The following SIL1 variants were observed in gnomAD, a reference collection of about 807,000 sequenced individuals.
SIL1 encodes the protein nucleotide exchange factor SIL1.
Under a neutral mutation model 49.1 loss-of-function variants are expected in SIL1, and 40 were observed. The observed-to-expected ratio is 0.81, with a 90% CI of 0.63 to 1.06. The LOEUF (loss-of-function observed/expected upper bound fraction) is 1.06, where lower values mean the gene tolerates loss of function less well. Ranked by LOEUF, SIL1 falls within the 50% of genes least tolerant of loss-of-function variation. The probability of loss-of-function intolerance (pLI) is 0.00; values close to 1 mark genes in which losing one functional copy is unlikely to be tolerated. For missense variants in SIL1, 500 were observed against 572.6 expected, an observed-to-expected ratio of 0.87 and a Z score of 1.29; for synonymous variants, 253 against 250.8, an observed-to-expected ratio of 1.01 and a Z score of -0.08.
intron 7 of SIL1, among the ~76,000 whole-genome samples, chr5:139,015,776 C>G (rs1768384878): frequency 6.6e-6 from 1 of 152,192 alleles, no homozygotes; most frequent in Non-Finnish European, 1.5e-5. Context: ...AGAACTGGGC[C>G]ACATGGCCAT....
chr5:139,025,254 A>T (rs1201689568), intron 6 of SIL1, among the ~76,000 whole-genome samples: 1 of 152,184 alleles, frequency 6.6e-6, no homozygotes, highest in Non-Finnish European at 1.5e-5. Context: ...AAAAGGTACC[A>T]GTTGCCTTTG....
chr5:139,103,623 A>C lies in SIL1; in HGVS notation c.244+17412T>G, dbSNP rs144687908. 1.1e-4 allele frequency among the ~76,000 whole-genome samples: 17 copies of C among 152,316 alleles called. No homozygotes were observed. In the East Asian group the frequency reaches 3.3e-3, roughly 29 times the overall value. Reference sequence around the variant, plus strand: ...AGTGGACCCTGCTCATCTCAGAGACAAAGTGTGGAGAATGAAATTAGCAGC... The same window carrying C: ...AGTGGACCCTGCTCATCTCAGAGACCAAGTGTGGAGAATGAAATTAGCAGC... On this transcript the variant is annotated intron_variant, in intron 3 of 9. Coordinates refer to ENST00000394817, the MANE Select transcript of SIL1 (RefSeq NM_022464.5).
At chr5:139,152,419 G>A (rs975044097) in intron 1 of SIL1, among the ~76,000 whole-genome samples, 7 of 151,900 alleles carry the variant, frequency 4.6e-5, no homozygotes, top group Non-Finnish European at 1.0e-4. Context: ...TCAGGAGTTC[G>A]AGACCAGCCT....
At chr5:139,140,283 A>C (rs1751055209) in intron 1 of SIL1, among the ~76,000 whole-genome samples, 1 of 152,026 alleles carries the variant, frequency 6.6e-6, no homozygotes, top group Non-Finnish European at 1.5e-5. Context: ...AAAAAAAAAA[A>C]GACACTAATT....
intron 2 of SIL1, among the ~76,000 whole-genome samples, chr5:139,126,390 A>G (rs1750754048): frequency 6.6e-6 from 1 of 152,234 alleles, no homozygotes; most frequent in South Asian, 2.1e-4. Context: ...GTCCTTAAGT[A>G]AATTCATCAG....
intron 1 of SIL1, among the ~76,000 whole-genome samples, chr5:139,136,687 A>T (rs529310558): frequency 6.6e-6 from 1 of 152,262 alleles, no homozygotes; most frequent in South Asian, 2.1e-4. Context: ...CCACAGATGA[A>T]GACATAGAGG....
At chr5:139,131,974 C>A (rs764432377) in intron 1 of SIL1, among the ~76,000 whole-genome samples, 5 of 152,124 alleles carry the variant, frequency 3.3e-5, no homozygotes, top group Non-Finnish European at 7.4e-5. Flanking sequence ...ATTATCAGGA[C>A]AACATACAAC....
chr5:139,174,709 A>G (rs921068161), intron 1 of SIL1, among the ~76,000 whole-genome samples: 2 of 152,014 alleles, frequency 1.3e-5, no homozygotes, highest in Non-Finnish European at 2.9e-5. Context: ...AGGCCAAGGC[A>G]GGCAGATCAC....
At chr5:139,134,637 A>T (rs1750935787) in intron 1 of SIL1, among the ~76,000 whole-genome samples, 1 of 152,012 alleles carries the variant, frequency 6.6e-6, no homozygotes. Context: ...TTAAAGGATG[A>T]CCCTCCTGGC....
Position 138,948,404 on chromosome 5 carries a change from T to C in SIL1, c.1030-931A>G, listed in dbSNP as rs1158647702. ...CTGTCAGCTCCACCTTTGTCCCTTG[T>C]GTCCTGCGATCCAGTGCCTCCTGCT... On this transcript the variant is annotated intron_variant, in intron 9 of 9. Transcript: ENST00000394817. The surrounding 1 kb of genome is among the most constrained non-coding windows in gnomAD (Gnocchi z 4.8). Among the ~76,000 whole-genome samples the C allele has an allele frequency of 6.6e-6, 1 of 152,320 alleles. No individual in the cohort carries two copies. The highest frequency in any genetic ancestry group is 1.5e-5 in the Non-Finnish European group (1 of 68,018).
At chr5:138,981,194 C>T (rs557606958) in intron 7 of SIL1, among the ~76,000 whole-genome samples, 12 of 130,314 alleles carry the variant, frequency 9.2e-5, no homozygotes, top group African/African-American at 3.7e-4. Context: ...GCCTGGGCAA[C>T]AGAGTGAGAC....
At chr5:139,008,060 G>A (rs1768163217) in intron 7 of SIL1, among the ~76,000 whole-genome samples, 1 of 152,074 alleles carries the variant, frequency 6.6e-6, no homozygotes. Context: ...CTGTACCTCT[G>A]GTAGAATTCA....
chr5:139,100,880 T>C (rs1470489024), intron 3 of SIL1, among the ~76,000 whole-genome samples: 1 of 151,886 alleles, frequency 6.6e-6, no homozygotes, highest in Non-Finnish European at 1.5e-5. Context: ...AGGTGTCTAG[T>C]AGGCAGATGG....
intron 1 of SIL1, among the ~76,000 whole-genome samples, chr5:139,151,786 T>C (rs1209940339): frequency 6.6e-6 from 1 of 152,184 alleles, no homozygotes; most frequent in Non-Finnish European, 1.5e-5. Flanking sequence ...CCCACAAGCA[T>C]TTCTGTCGGA....
chr5:139,005,283 G>A (rs1320722539), intron 7 of SIL1, among the ~76,000 whole-genome samples: 1 of 151,764 alleles, frequency 6.6e-6, no homozygotes, highest in African/African-American at 2.4e-5. Context: ...AGAAGTTCTA[G>A]TTGTGTCATT....
At position 139,056,580 on chromosome 5, in the gene SIL1, C is replaced by T. The variant is rs1186786707; in HGVS notation, c.245-5534G>A. Among the ~76,000 whole-genome samples the T allele has an allele frequency of 3.5e-4, 53 of 150,810 alleles. 1 individual carries two copies. Among genetic ancestry groups the T allele is most frequent in the Non-Finnish European group, 5.9e-5 (4 of 67,570 alleles). ...CAGCCCCCCGACCGGCCAGCCGCCC[C>T]GTCCGGGAGGGAGGTGGGGGGGTCA... On this transcript the variant is annotated intron_variant, in intron 3 of 9. Transcript: ENST00000394817.
chr5:139,070,055 T>A (rs373554458), intron 3 of SIL1, among the ~76,000 whole-genome samples: 18 of 152,122 alleles, frequency 1.2e-4, no homozygotes, highest in African/African-American at 3.4e-4. Flanking sequence ...GTTATTTGTA[T>A]AAATGCCTTA....
At chr5:138,958,964 A>G (rs141460365) in intron 7 of SIL1, among the ~76,000 whole-genome samples, 118 of 152,300 alleles carry the variant, frequency 7.7e-4, no homozygotes, top group African/African-American at 2.8e-3. Flanking sequence ...TATTTAATCT[A>G]TGGAATGGCA....
intron 1 of SIL1, among the ~76,000 whole-genome samples, chr5:139,194,947 A>G (rs1449460844): frequency 1.4e-5 from 2 of 143,042 alleles, no homozygotes; most frequent in Non-Finnish European, 3.0e-5. Flanking sequence ...TTTTTTTTTG[A>G]GACAGAATCT....
Sources: allele counts gnomAD v4.1 joint callset (sites outside exome capture counted in the v4.1 genomes callset), GRCh38; gene constraint gnomAD v4.1.1; non-coding constraint Gnocchi (gnomAD v3.1); transcripts MANE v1.5; gene names NCBI Gene and HGNC (gene_info 2026-07-23, HGNC 2026-07-21).